The following DENND10 variants were observed in gnomAD, a reference collection of about 807,000 sequenced individuals.
DENND10 encodes the protein DENN domain containing 10, also known as DENN domain-containing protein 10.
A neutral mutation model predicts 43.6 loss-of-function variants in DENND10; 24 were observed. The observed-to-expected ratio is 0.55, with a 90% CI of 0.40 to 0.77. The LOEUF (loss-of-function observed/expected upper bound fraction) is 0.77, where lower values mean the gene tolerates loss of function less well. DENND10 is among the 30% of genes least tolerant of loss of function. DENND10 has a pLI of 0.00. For synonymous variants in DENND10, 125 were observed against 157.6 expected, an observed-to-expected ratio of 0.79 and a Z score of 1.55; for missense variants, 303 against 429.9, an observed-to-expected ratio of 0.70 and a Z score of 2.61.
At chr10:119,123,806 T>C (rs1477930794) in intron 6 of DENND10, among the ~76,000 whole-genome samples, 1 of 151,884 alleles carries the variant, frequency 6.6e-6, no homozygotes, top group Non-Finnish European at 1.5e-5. Context: ...TTTTATTTTG[T>C]GCATTCCCAA....
intron 3 of DENND10, among the ~76,000 whole-genome samples, chr10:119,117,167 T>C (rs746196427): frequency 1.1e-4 from 16 of 150,924 alleles, no homozygotes; most frequent in Admixed American, 4.6e-4. Flanking sequence ...AGGTCAGGAG[T>C]TTGAGACCAG....
At chr10:119,116,320 A>T (rs944997967) in intron 3 of DENND10, among the ~76,000 whole-genome samples, 7 of 152,134 alleles carry the variant, frequency 4.6e-5, no homozygotes, top group African/African-American at 1.7e-4. Context: ...AACCTAAAGG[A>T]GTTTTGATTT....
rs961969225 is a variant in DENND10 at position 119,129,010 on chromosome 10, AT to A, written c.695-494del. On this transcript the variant is annotated intron_variant, in intron 6 of 8. Coordinates refer to ENST00000361432, the MANE Select transcript of DENND10 (RefSeq NM_207009.4). ...AACCATATCAGTCTCTCCTCAAATA[AT>A]TTTTTTTTTTGGTAATTGTATTGCT... Among the ~76,000 whole-genome samples, 79 of 148,964 alleles carry A rather than the reference AT, an allele frequency of 5.3e-4. No individual in the cohort carries two copies. In the East Asian group the frequency reaches 0.01, roughly 20 times the overall value.
At chr10:119,135,962 G>A (rs917379791) in intron 8 of DENND10, among the ~76,000 whole-genome samples, 2 of 152,028 alleles carry the variant, frequency 1.3e-5, no homozygotes, top group African/African-American at 2.4e-5. Flanking sequence ...GATTGCTTGA[G>A]CCCAGGAGTT....
chr10:119,121,075 A>C (rs995023668), intron 5 of DENND10, among the ~76,000 whole-genome samples: 13 of 151,896 alleles, frequency 8.6e-5, no homozygotes, highest in African/African-American at 3.1e-4. Flanking sequence ...TTGGCCTCCC[A>C]AAGTGCTGGA....
At chr10:119,116,665 C>CTT (rs71016543) in intron 3 of DENND10, among the ~76,000 whole-genome samples, 3 of 132,260 alleles carry the variant, frequency 2.3e-5, no homozygotes, top group South Asian at 2.6e-4. Context: ...TTCTTTCTTT[C>CTT]TTTTTTTTTT....
At chr10:119,104,261 C>T in intron 1 of DENND10, 64 bp downstream of exon 1, 1 of 1,410,034 alleles carries the variant, frequency 7.1e-7, no homozygotes, top group Non-Finnish European at 9.4e-7. Context: ...CCACCTCGGC[C>T]CGGGGCAGCC....
At chr10:119,121,384 G>A (rs575749551) in intron 5 of DENND10, among the ~76,000 whole-genome samples, 25 of 148,842 alleles carry the variant, frequency 1.7e-4, no homozygotes, top group African/African-American at 6.2e-4. Flanking sequence ...AGGCTCAAGT[G>A]ATTCTCCTGC....
chr10:119,124,813 G>T (rs1379663082), intron 6 of DENND10, among the ~76,000 whole-genome samples: 2 of 152,082 alleles, frequency 1.3e-5, no homozygotes, highest in Admixed American at 6.6e-5. Flanking sequence ...TGTAATCCCA[G>T]CACTTTGGGA....
chr10:119,131,399 A>G (rs984938665), intron 7 of DENND10, among the ~76,000 whole-genome samples: 1 of 152,210 alleles, frequency 6.6e-6, no homozygotes, highest in Non-Finnish European at 1.5e-5. Context: ...CAGAGCTTGC[A>G]GTGAGCCGAG....
rs151288852 is a variant in DENND10 at position 119,112,164 on chromosome 10, C to T, written c.332+236C>T. Among the ~76,000 whole-genome samples, 11 of 152,218 alleles carry T rather than the reference C, an allele frequency of 7.2e-5. No homozygotes were observed. The East Asian group carries it at 2.1e-3, about 29-fold the overall frequency. ...GAGCAGTTTTATAGCTATTGTAGCT[C>T]CTGGGTGTTTTGAATCACTTCCTAC... On this transcript the variant is annotated intron_variant, in intron 3 of 8. Transcript: ENST00000361432.
Position 119,120,414 on chromosome 10 carries a change from G to A in DENND10, c.555G>A (p.Val185=), listed in dbSNP as rs773548339. 2.5e-6 allele frequency: 4 copies of A among 1,612,448 alleles called. No homozygotes were observed. The highest frequency in any genetic ancestry group is 4.5e-5 in the East Asian group (2 of 44,874). ...TGATGCTAAAGAAAAGAATTGTGGT[G>A]TATCACCCCAAGATAGAAGCGGTCC... The part of the protein sequence containing the change: ...TALMLKKRIV[V]YHPKIEAVQE... The change falls in exon 5 of 9, where the codon GTG becomes GTA. Residue 185 remains valine, a synonymous_variant. Coordinates refer to ENST00000361432, the MANE Select transcript of DENND10 (RefSeq NM_207009.4).
chr10:119,131,181 G>A (rs1461207698), intron 7 of DENND10, among the ~76,000 whole-genome samples: 1 of 152,174 alleles, frequency 6.6e-6, no homozygotes, highest in African/African-American at 2.4e-5. Flanking sequence ...AAATTAGGCC[G>A]GCCATGGTGG....
Position 119,104,141 on chromosome 10 carries a change from A to G in DENND10, c.-2A>G. The G allele has an allele frequency of 6.6e-7, 1 of 1,512,764 alleles. No individual in the cohort carries two copies. 93.7% of individuals were successfully genotyped at this position (1,512,764 alleles called of 1,614,324 possible). Reference sequence around the variant, plus strand: ...CAGAGCTGCGCGCCGCGGCGGCGGAAGATGGCTGCGGCCGAGGTGGCGGAC... The same window carrying G: ...CAGAGCTGCGCGCCGCGGCGGCGGAGGATGGCTGCGGCCGAGGTGGCGGAC... On this transcript the variant is annotated 5_prime_UTR_variant, in exon 1 of 9. Coordinates refer to ENST00000361432, the MANE Select transcript of DENND10 (RefSeq NM_207009.4).
intron 2 of DENND10, among the ~76,000 whole-genome samples, chr10:119,110,434 A>G (rs1196110671): frequency 6.6e-6 from 1 of 152,036 alleles, no homozygotes; most frequent in African/African-American, 2.4e-5. Flanking sequence ...GAAATTTATA[A>G]TATAGAGGCA....
At chr10:119,104,363 C>T (rs1844578506) in intron 1 of DENND10, among the ~76,000 whole-genome samples, 166 bp downstream of exon 1, 1 of 151,540 alleles carries the variant, frequency 6.6e-6, no homozygotes. Flanking sequence ...GCCCGGCCTC[C>T]TTGGTGCAGG....
chr10:119,128,208 A>C (rs896935201), intron 6 of DENND10, among the ~76,000 whole-genome samples: 3 of 150,248 alleles, frequency 2.0e-5, no homozygotes, highest in Non-Finnish European at 4.5e-5. Flanking sequence ...AGCTACTCAG[A>C]AGGCTGAGAC....
chr10:119,112,035 C>G (rs1414867117), intron 3 of DENND10, 107 bp downstream of exon 3: 1 of 810,272 alleles, frequency 1.2e-6, no homozygotes, highest in Non-Finnish European at 2.1e-6. Context: ...TTGTGTCTCC[C>G]CAGCATAATC....
Position 119,137,064 on chromosome 10 carries a change from T to C in DENND10, c.*417T>C, listed in dbSNP as rs1007719877. ...TGCTTTGTATTCTTCTAGGAAGAAC[T>C]TTAATTCCTCCTGAGGAACTCTACT... On this transcript the variant is annotated 3_prime_UTR_variant, in exon 9 of 9. Transcript: ENST00000361432. The C allele has an allele frequency of 5.9e-6, 1 of 169,592 alleles. No homozygotes were observed. The highest frequency in any genetic ancestry group is 2.4e-5 in the African/African-American group (1 of 41,424). The allele number at this position is 169,592 out of a possible 1,614,324, so 10.5% of individuals were successfully genotyped here.
Sources: gnomAD v4.1 joint callset for allele counts (sites outside exome capture counted in the v4.1 genomes callset) on GRCh38, gnomAD v4.1.1 for gene constraint, MANE v1.5 for transcripts, NCBI Gene and HGNC (gene_info 2026-07-23, HGNC 2026-07-21) for gene names.